CHRM3: variants seen among roughly 807,000 people sequenced by gnomAD.
CHRM3 encodes cholinergic receptor muscarinic 3.
In CHRM3, 11 loss-of-function variants were observed where a neutral mutation model predicts 41.8. The observed-to-expected ratio is 0.26, with a 90% CI of 0.17 to 0.44. The LOEUF (loss-of-function observed/expected upper bound fraction) is 0.44. Ranked by LOEUF, CHRM3 falls within the 20% of genes least tolerant of loss-of-function variation. The probability of loss-of-function intolerance (pLI) is 1.00; values close to 1 mark genes in which losing one functional copy is unlikely to be tolerated. For synonymous variants in CHRM3, 297 were observed against 301.4 expected, an observed-to-expected ratio of 0.99 and a Z score of 0.15; for missense variants, 571 against 745.4, an observed-to-expected ratio of 0.77 and a Z score of 2.72.
chr1:239,548,048 G>A (rs902587233), intron 3 of CHRM3, among the ~76,000 whole-genome samples: 1 of 152,124 alleles, frequency 6.6e-6, no homozygotes, highest in Non-Finnish European at 1.5e-5. Context: ...CAAAGTGATG[G>A]GGAGTAAGGG....
intron 1 of CHRM3, among the ~76,000 whole-genome samples, chr1:239,405,971 A>T (rs1660561379): frequency 6.6e-6 from 1 of 152,086 alleles, no homozygotes; most frequent in South Asian, 2.1e-4. Flanking sequence ...CAATCACTGC[A>T]ACCTCCGCCT....
At chr1:239,628,123 A>G (rs1163472249) in intron 3 of CHRM3, among the ~76,000 whole-genome samples, 2 of 64,034 alleles carry the variant, frequency 3.1e-5, no homozygotes, top group South Asian at 5.3e-4. Flanking sequence ...CATTCTCCCC[A>G]TCACTTTCAG....
At chr1:239,762,378 T>C (rs1666868006) in intron 5 of CHRM3, among the ~76,000 whole-genome samples, 1 of 152,196 alleles carries the variant, frequency 6.6e-6, no homozygotes. Context: ...CATGAATTTC[T>C]TGAGAGAAGA....
intron 5 of CHRM3, among the ~76,000 whole-genome samples, chr1:239,681,467 A>G (rs1658554637): frequency 6.6e-6 from 1 of 152,232 alleles, no homozygotes; most frequent in African/African-American, 2.4e-5. Context: ...TGTCTTCAAC[A>G]TGAAACCATC....
At chr1:239,555,255 T>C (rs1660247559) in intron 3 of CHRM3, among the ~76,000 whole-genome samples, 1 of 152,192 alleles carries the variant, frequency 6.6e-6, no homozygotes, top group Non-Finnish European at 1.5e-5. Flanking sequence ...AGTTTTTTGG[T>C]TCTTTGATTA....
At chr1:239,435,179 C>A (rs146237970) in intron 1 of CHRM3, among the ~76,000 whole-genome samples, 411 of 149,746 alleles carry the variant, frequency 2.7e-3, no homozygotes, top group South Asian at 0.011. Context: ...CAGCTGGGAG[C>A]GATGGCTCAC....
chr1:239,631,071 C>T (rs1255111136), intron 3 of CHRM3, among the ~76,000 whole-genome samples: 1 of 152,114 alleles, frequency 6.6e-6, no homozygotes, highest in East Asian at 1.9e-4. Flanking sequence ...GAAGGGATAT[C>T]AGGGCAGCAG....
At chr1:239,821,415 G>T (rs1323972879) in intron 5 of CHRM3, among the ~76,000 whole-genome samples, 1 of 152,126 alleles carries the variant, frequency 6.6e-6, no homozygotes, top group African/African-American at 2.4e-5. Context: ...CATCAATGCT[G>T]GTCTTTAAGT....
intron 2 of CHRM3, among the ~76,000 whole-genome samples, chr1:239,507,772 G>A (rs1164406136): frequency 6.6e-6 from 1 of 152,184 alleles, no homozygotes; most frequent in East Asian, 1.9e-4. Flanking sequence ...ACTGTTAAAA[G>A]AATAGGCTGT....
rs75625822 is a variant in CHRM3 at position 239,842,844 on chromosome 1, C to A, written c.-20+15466C>A. On this transcript the variant is annotated intron_variant, in intron 6 of 6. Transcript: ENST00000676153. ...ATCTCAAGAACCTAGGCTTCCATTC[C>A]CATGGTCACCATCCGGGATTCAGAT... is the stretch of plus-strand genomic sequence containing the variant. Among the ~76,000 whole-genome samples, 779 of 152,224 alleles carry A rather than the reference C, an allele frequency of 5.1e-3. 8 individuals are homozygous for A. The highest frequency in any genetic ancestry group is 0.027 in the Middle Eastern group (8 of 294).
intron 3 of CHRM3, among the ~76,000 whole-genome samples, chr1:239,584,294 G>A (rs543592609): frequency 1.3e-5 from 2 of 151,990 alleles, no homozygotes; most frequent in East Asian, 1.9e-4. Flanking sequence ...GGTAGAGACA[G>A]GGTTTTGCCA....
At chr1:239,408,793 T>C (rs1039093840) in intron 1 of CHRM3, among the ~76,000 whole-genome samples, 2 of 151,350 alleles carry the variant, frequency 1.3e-5, no homozygotes, top group African/African-American at 2.4e-5. Flanking sequence ...GGCTAGATTT[T>C]TTTTTTTTTT....
At chr1:239,408,810 T>C (rs921589876) in intron 1 of CHRM3, among the ~76,000 whole-genome samples, 1 of 149,574 alleles carries the variant, frequency 6.7e-6, no homozygotes. Context: ...TTTTCAGACA[T>C]GGGGTCTCAC....
chr1:239,536,721 G>C (rs539413687), intron 2 of CHRM3, among the ~76,000 whole-genome samples: 21 of 152,222 alleles, frequency 1.4e-4, no homozygotes, highest in African/African-American at 4.1e-4. Context: ...TGTTCTTTTG[G>C]CTGCCTGCCT....
intron 5 of CHRM3, among the ~76,000 whole-genome samples, chr1:239,819,110 A>T (rs1481537154): frequency 6.6e-6 from 1 of 152,176 alleles, no homozygotes; most frequent in Non-Finnish European, 1.5e-5. Context: ...TCTGCCACTC[A>T]GCCAGGCGAC....
intron 1 of CHRM3, among the ~76,000 whole-genome samples, chr1:239,448,512 A>T (rs6693126): frequency 0.068 from 10,303 of 152,188 alleles, 686 homozygotes; most frequent in African/African-American, 0.18. Flanking sequence ...AATATTTATT[A>T]TGAGGTTTGG....
chr1:239,393,595 C>T (rs1039846404), intron 1 of CHRM3, among the ~76,000 whole-genome samples: 16 of 152,180 alleles, frequency 1.1e-4, no homozygotes, highest in African/African-American at 3.6e-4. Context: ...TTCCATCATG[C>T]AAGGACCAGC....
At chr1:239,494,144 G>C (rs1196984720) in intron 2 of CHRM3, among the ~76,000 whole-genome samples, 3 of 152,186 alleles carry the variant, frequency 2.0e-5, no homozygotes, top group Non-Finnish European at 4.4e-5. Context: ...TAGGAAAGAA[G>C]TGGCAACTTC....
intron 1 of CHRM3, among the ~76,000 whole-genome samples, chr1:239,420,284 T>G (rs1661847013): frequency 6.6e-6 from 1 of 152,234 alleles, no homozygotes; most frequent in Admixed American, 6.5e-5. Context: ...CATGTTTTCT[T>G]CATCCTTGCT....
Sources: allele counts gnomAD v4.1 joint callset (sites outside exome capture counted in the v4.1 genomes callset), GRCh38; gene constraint gnomAD v4.1.1; transcripts MANE v1.5; gene names NCBI Gene and HGNC (gene_info 2026-07-23, HGNC 2026-07-21).